TMEM91: variants seen among roughly 807,000 people sequenced by gnomAD.
The protein encoded by TMEM91 is dispanin subfamily C member 3.
A neutral mutation model predicts 13.3 loss-of-function variants in TMEM91; 6 were observed. The ratio of observed to expected loss-of-function variants is 0.45; its 90% CI spans 0.25 to 0.89. The LOEUF is 0.89. TMEM91 is among the 40% of genes least tolerant of loss of function. The pLI is 0.19. For synonymous variants in TMEM91, 87 were observed against 101.7 expected (o/e 0.86, Z 0.87); for missense variants, 193 against 228.7 (o/e 0.84, Z 1.01).
At chr19:41,383,048 G>A (rs1430895165) in intron 3 of TMEM91, 127 bp downstream of exon 3, 2 of 1,371,808 alleles carry the variant, frequency 1.5e-6, no homozygotes, top group African/African-American at 1.4e-5. Context: ...CTCAAATCCT[G>A]AGTCTGCCAC....
At chr19:41,368,595 A>T (rs1045396323) in intron 1 of TMEM91, among the ~76,000 whole-genome samples, 1 of 151,614 alleles carries the variant, frequency 6.6e-6, no homozygotes, top group Non-Finnish European at 1.5e-5. Flanking sequence ...TTTTTAGTAG[A>T]GACGGGGTTT....
At chr19:41,372,344 TA>T (rs977385511), upstream of TMEM91, among the ~76,000 whole-genome samples, 46 of 146,208 alleles carry the variant, frequency 3.1e-4, no homozygotes, top group Admixed American at 2.7e-4. Context: ...AGACTTCCTT[TA>T]AAAAAAAAAA....
intron 1 of TMEM91, among the ~76,000 whole-genome samples, chr19:41,366,725 C>T (rs2038533880): frequency 6.6e-6 from 1 of 152,054 alleles, no homozygotes; most frequent in South Asian, 2.1e-4. Context: ...TCCCAAAGTG[C>T]TGAGATTACA....
rs2038776351 is a variant in TMEM91 at position 41,378,318 on chromosome 19, C to T, written c.9C>T (p.Ser3=). Residue 3 remains serine (S), a synonymous_variant, in exon 2 of 4, where the codon AGC becomes AGT. Coordinates refer to ENST00000392002, the MANE Select transcript of TMEM91 (RefSeq NM_001098821.2). MD[S]PSLRELQQPL... is the part of the protein sequence containing the mutation. ...GGAGTTTCCCCAAAGCCATGGACAG[C>T]CCTAGTCTTCGTGAGCTTCAACAGC... 6.2e-7 allele frequency: 1 copy of T among 1,614,194 alleles called. No individual in the cohort carries two copies. Among genetic ancestry groups the T allele is most frequent in the East Asian group, 2.2e-5 (1 of 44,886 alleles).
intron 1 of TMEM91, among the ~76,000 whole-genome samples, chr19:41,370,604 A>G: frequency 6.6e-6 from 1 of 150,896 alleles, no homozygotes; most frequent in East Asian, 2.0e-4. Flanking sequence ...ACGGGGTTTC[A>G]CCATATTGGC....
intron 1 of TMEM91, among the ~76,000 whole-genome samples, chr19:41,365,886 C>T (rs55826925): frequency 0.1 from 15,086 of 149,736 alleles, 1,053 homozygotes; most frequent in African/African-American, 0.2. Flanking sequence ...AATGTTTGTG[C>T]TTTTAGTAGA....
upstream of TMEM91, chr19:41,363,994 C>T (rs972955496): frequency 1.2e-4 from 25 of 214,180 alleles, no homozygotes; most frequent in East Asian, 1.2e-3. Flanking sequence ...GAGAAAGCGG[C>T]AACCGGGGTT....
At chr19:41,369,243 T>A (rs1326821022) in intron 1 of TMEM91, among the ~76,000 whole-genome samples, 2 of 152,020 alleles carry the variant, frequency 1.3e-5, no homozygotes, top group Non-Finnish European at 2.9e-5. Context: ...AATGGTGTGA[T>A]CTCTCCTCAC....
chr19:41,378,035 CAAAAAA>C (rs11449744), intron 1 of TMEM91, among the ~76,000 whole-genome samples: 1 of 101,718 alleles, frequency 9.8e-6, no homozygotes, highest in African/African-American at 3.8e-5. Context: ...GACTTTGTCT[CAAAAAA>C]AAAAAAAAAA....
chr19:41,375,777 C>T (rs1254391973), upstream of TMEM91, among the ~76,000 whole-genome samples: 1 of 151,574 alleles, frequency 6.6e-6, no homozygotes, highest in African/African-American at 2.4e-5. Flanking sequence ...GCGCCACTGC[C>T]TTCCAGCCTG....
intron 2 of TMEM91, among the ~76,000 whole-genome samples, chr19:41,380,215 G>T (rs980929283): frequency 6.6e-6 from 1 of 152,044 alleles, no homozygotes; most frequent in African/African-American, 2.4e-5. Context: ...CTTCTATGTG[G>T]TCTCTCCATG....
rs34140170 is a variant in TMEM91 at position 41,371,311 on chromosome 19, CTCCTTCCTTCCTTCCTTCCTTCCT to C, written c.-29-6935_-29-6912del. ...ACCACCATGCCTGGCCCACTATCCT[CTCCTTCCTTCCTTCCTTCCTTCCT>C]TCCTTCCTTCCTTCCTTCCTTCCTT... On this transcript the variant is annotated intron_variant, in intron 1 of 3. Transcript: ENST00000413014. Among the ~76,000 whole-genome samples, 105 of 111,990 alleles carry C rather than the reference CTCCTTCCTTCCTTCCTTCCTTCCT, an allele frequency of 9.4e-4. 1 individual carries two copies. Among genetic ancestry groups the C allele is most frequent in the African/African-American group, 3.4e-3 (97 of 28,126 alleles). 73.5% of individuals were successfully genotyped at this position (111,990 alleles called of 152,430 possible).
upstream of TMEM91, among the ~76,000 whole-genome samples, chr19:41,371,733 G>A (rs114281865): frequency 8.9e-3 from 1,348 of 152,026 alleles, 17 homozygotes; most frequent in African/African-American, 0.031. Context: ...CTTATTTTCT[G>A]TCTCTGTGAA....
chr19:41,378,567 G>A (rs1446327221), intron 2 of TMEM91, 48 bp downstream of exon 2: 3 of 1,590,314 alleles, frequency 1.9e-6, no homozygotes, highest in Admixed American at 3.4e-5. Context: ...GGGCTGGGGT[G>A]AGCCCCACTA....
rs2038958305 is a variant in TMEM91 at position 41,384,006 on chromosome 19, G to A, written c.*133G>A. The A allele has an allele frequency of 1.5e-5, 21 of 1,434,234 alleles. No homozygotes were observed. The South Asian group carries it at 3.1e-4, about 21-fold the overall frequency. 88.8% of individuals were successfully genotyped at this position (1,434,234 alleles called of 1,614,324 possible). ...CTAGAAACGGGAGCGAGCTGGACTG[G>A]AACCCTTCCCCTTCCTGGCCACCGC... is the stretch of plus-strand genomic sequence containing the variant. On this transcript the variant is annotated 3_prime_UTR_variant, in exon 4 of 4. Coordinates refer to ENST00000392002, the MANE Select transcript of TMEM91 (RefSeq NM_001098821.2).
upstream of TMEM91, among the ~76,000 whole-genome samples, chr19:41,371,639 C>T (rs1048611271): frequency 2.6e-5 from 4 of 151,730 alleles, no homozygotes; most frequent in South Asian, 2.1e-4. Context: ...AGGATGATCT[C>T]GATCTCTTGA....
At chr19:41,382,698 G>A in intron 2 of TMEM91, 74 bp from the exon 3 acceptor site, 2 of 1,548,366 alleles carry the variant, frequency 1.3e-6, no homozygotes, top group Non-Finnish European at 1.7e-6. Context: ...TGGCCTTTGA[G>A]GGCTATGGAG....
intron 2 of TMEM91, among the ~76,000 whole-genome samples, chr19:41,380,497 G>A (rs575772961): frequency 2.6e-5 from 4 of 152,200 alleles, no homozygotes; most frequent in Admixed American, 6.5e-5. Flanking sequence ...ATGTGGGGCC[G>A]GGCGCTGTGG....
At chr19:41,377,315 G>A (rs1179802710) in intron 1 of TMEM91, 1 of 152,866 alleles carries the variant, frequency 6.5e-6, no homozygotes, top group African/African-American at 2.4e-5. Flanking sequence ...AGTCAATTGG[G>A]ATAAATGTGT....
Sources: allele counts gnomAD v4.1 joint callset (sites outside exome capture counted in the v4.1 genomes callset), GRCh38; gene constraint gnomAD v4.1.1; transcripts MANE v1.5; gene names NCBI Gene and HGNC (gene_info 2026-07-23, HGNC 2026-07-21).